The following DIP2C variants were observed in gnomAD, a reference collection of about 807,000 sequenced individuals.
DIP2C encodes the protein disco-interacting protein 2 homolog C.
A neutral mutation model predicts 192.4 loss-of-function variants in DIP2C; 33 were observed. The ratio of observed to expected loss-of-function variants is 0.17; its 90% confidence interval spans 0.13 to 0.23. The LOEUF (loss-of-function observed/expected upper bound fraction) is 0.23, where lower values mean the gene tolerates loss of function less well. Ranked by LOEUF, DIP2C falls within the 10% of genes least tolerant of loss-of-function variation. DIP2C has a pLI of 1.00. For missense variants in DIP2C, 1,537 were observed against 2,110.1 expected, an observed-to-expected ratio of 0.73 and a Z score of 5.32; for synonymous variants, 979 against 864.1, an observed-to-expected ratio of 1.13 and a Z score of -2.33.
intron 3 of DIP2C, among the ~76,000 whole-genome samples, chr10:444,940 C>G (rs879489997): frequency 2.0e-4 from 31 of 152,352 alleles, no homozygotes; most frequent in Non-Finnish European, 3.7e-4. Context: ...TGGTGAACAT[C>G]TACAGCATAC....
intron 1 of DIP2C, among the ~76,000 whole-genome samples, chr10:688,013 G>A (rs985487817): frequency 3.9e-5 from 6 of 152,204 alleles, no homozygotes; most frequent in East Asian, 3.8e-4. Flanking sequence ...CACCTGGGCC[G>A]AGACGCAAGC....
chr10:595,502 T>A (rs1314494930), intron 1 of DIP2C, among the ~76,000 whole-genome samples: 2 of 152,086 alleles, frequency 1.3e-5, no homozygotes, highest in African/African-American at 4.8e-5. Context: ...CACTCAGGAT[T>A]TGAGACACTG....
intron 2 of DIP2C, among the ~76,000 whole-genome samples, chr10:472,948 A>C (rs1374366297): frequency 6.6e-6 from 1 of 152,236 alleles, no homozygotes; most frequent in Non-Finnish European, 1.5e-5. Flanking sequence ...AAAATTTAAA[A>C]GTATATTTGT....
chr10:283,547 A>G (rs2303991), intron 34 of DIP2C, 101 bp from the exon 35 acceptor site: 139,698 of 1,405,670 alleles, frequency 0.099, 7,811 homozygotes, highest in East Asian at 0.18. Flanking sequence ...ATTCAGTGAT[A>G]GTAAACGTTT....
At chr10:553,209 C>T (rs1255372842) in intron 1 of DIP2C, among the ~76,000 whole-genome samples, 7 of 152,222 alleles carry the variant, frequency 4.6e-5, no homozygotes, top group Admixed American at 2.0e-4. Context: ...TCTTCTCCCT[C>T]GTCCCTGCAC....
chr10:311,913 G>GCT (rs1956583257), intron 31 of DIP2C, among the ~76,000 whole-genome samples: 1 of 152,146 alleles, frequency 6.6e-6, no homozygotes, highest in Non-Finnish European at 1.5e-5. Flanking sequence ...CACTCACGGT[G>GCT]CTCTTTCTTT....
chr10:547,358 G>T (rs1848337937), intron 1 of DIP2C, among the ~76,000 whole-genome samples: 1 of 152,202 alleles, frequency 6.6e-6, no homozygotes, highest in Non-Finnish European at 1.5e-5. Context: ...TTATGTGCCA[G>T]CCAAGTGTGT....
At chr10:372,960 G>T (rs190374982) in intron 17 of DIP2C, among the ~76,000 whole-genome samples, 1 of 152,212 alleles carries the variant, frequency 6.6e-6, no homozygotes, top group Non-Finnish European at 1.5e-5. Flanking sequence ...GGTACCCTCC[G>T]TGTGCCAAAT....
At chr10:601,430 G>A (rs761444765) in intron 1 of DIP2C, among the ~76,000 whole-genome samples, 4 of 152,176 alleles carry the variant, frequency 2.6e-5, no homozygotes, top group Non-Finnish European at 5.9e-5. Context: ...AGAAACTGCC[G>A]CTTTAAAACG....
rs757936534 is a variant in DIP2C at position 419,047 on chromosome 10, C to T, written c.739+18G>A. ...AACCGTTTACCAGAAAAAAACGCAT[C>T]TCTCCTTTGGGACGTACCATCCCCG... On this transcript the variant is annotated intron_variant, in intron 6 of 36. Transcript: ENST00000280886. 6.2e-6 allele frequency: 10 copies of T among 1,614,098 alleles called. No homozygotes were observed. Among genetic ancestry groups the T allele is most frequent in the Non-Finnish European group, 8.5e-6 (10 of 1,180,022 alleles).
chr10:310,791 T>C (rs145989225), intron 31 of DIP2C, among the ~76,000 whole-genome samples: 154 of 152,264 alleles, frequency 1.0e-3, no homozygotes, highest in African/African-American at 3.4e-3. Context: ...CAGTGACCTC[T>C]GTACACAGAA....
At chr10:323,818 A>G (rs555658290) in intron 31 of DIP2C, among the ~76,000 whole-genome samples, 8 of 152,308 alleles carry the variant, frequency 5.3e-5, no homozygotes, top group Non-Finnish European at 7.4e-5. Context: ...TGGTCCGTAC[A>G]TTTAATGTAC....
intron 1 of DIP2C, among the ~76,000 whole-genome samples, chr10:603,324 A>AC (rs1852225731): frequency 7.2e-6 from 1 of 139,410 alleles, no homozygotes; most frequent in African/African-American, 3.0e-5. Context: ...AAAAAAAAAA[A>AC]AAAAAAAAAC....
chr10:684,935 C>A (rs553445299), intron 1 of DIP2C, among the ~76,000 whole-genome samples: 71 of 151,884 alleles, frequency 4.7e-4, no homozygotes, highest in South Asian at 8.3e-4. Flanking sequence ...GAGTTCGAGA[C>A]CAGCCTGGCC....
chr10:603,328 A>AC (rs1852228001), intron 1 of DIP2C, among the ~76,000 whole-genome samples: 1 of 128,380 alleles, frequency 7.8e-6, no homozygotes, highest in Non-Finnish European at 1.6e-5. Context: ...AAAAAAAAAA[A>AC]AAAAACCAAC....
At position 476,053 on chromosome 10, in the gene DIP2C, C is replaced by T. The variant is rs1360499762; in HGVS notation, c.158-3504G>A. Among the ~76,000 whole-genome samples the T allele has an allele frequency of 2.0e-5, 3 of 152,346 alleles. No individual in the cohort carries two copies. The East Asian group carries it at 5.8e-4, about 29-fold the overall frequency. On this transcript the variant is annotated intron_variant, in intron 2 of 36. Coordinates refer to ENST00000280886, the MANE Select transcript of DIP2C (RefSeq NM_014974.3). ...GGAACTGTGATTGAAAACCAGCTCTCAGGAGCATCACAGGAAGACTAGAAG... is the reference window on the plus strand; with the variant it reads ...GGAACTGTGATTGAAAACCAGCTCTTAGGAGCATCACAGGAAGACTAGAAG...
At chr10:475,104 T>C (rs1970956089) in intron 2 of DIP2C, among the ~76,000 whole-genome samples, 1 of 152,176 alleles carries the variant, frequency 6.6e-6, no homozygotes. Context: ...GGAGCCTCTG[T>C]TGTCAGTATC....
intron 3 of DIP2C, among the ~76,000 whole-genome samples, chr10:457,999 G>A (rs957178577): frequency 6.6e-6 from 1 of 152,186 alleles, no homozygotes; most frequent in African/African-American, 2.4e-5. Flanking sequence ...ACACCATCCA[G>A]CATGAGAGCC....
chr10:305,022 GAC>G (rs980016200), intron 32 of DIP2C, among the ~76,000 whole-genome samples: 11 of 50,548 alleles, frequency 2.2e-4, no homozygotes, highest in East Asian at 1.8e-3. Flanking sequence ...ACACACTCAT[GAC>G]ACATATATGC....
Sources: allele counts gnomAD v4.1 joint callset (sites outside exome capture counted in the v4.1 genomes callset), GRCh38; gene constraint gnomAD v4.1.1; transcripts MANE v1.5; gene names NCBI Gene and HGNC (gene_info 2026-07-23, HGNC 2026-07-21).